Variants in TRDN observed in about 807,000 individuals in gnomAD.
TRDN encodes the protein triadin in skeletal muscle.
A neutral mutation model predicts 149.7 loss-of-function variants in TRDN; 161 were observed. That is an observed-to-expected ratio of 1.08 (90% CI 0.95 to 1.23). TRDN has a LOEUF of 1.23. Among genes scored for constraint, TRDN ranks in the 50% most tolerant of loss-of-function variants. The pLI is 0.00. For missense variants in TRDN, 896 were observed against 823.5 expected, an observed-to-expected ratio of 1.09 and a Z score of -1.08; for synonymous variants, 294 against 250.5, an observed-to-expected ratio of 1.17 and a Z score of -1.64.
At chr6:123,593,820 A>G (rs1341239231) in intron 1 of TRDN, among the ~76,000 whole-genome samples, 1 of 152,218 alleles carries the variant, frequency 6.6e-6, no homozygotes, top group African/African-American at 2.4e-5. Context: ...AATTCAACCT[A>G]TGACAAATGT....
chr6:123,390,572 A>G (rs1782068822), intron 13 of TRDN, among the ~76,000 whole-genome samples: 1 of 152,050 alleles, frequency 6.6e-6, no homozygotes, highest in Non-Finnish European at 1.5e-5. Flanking sequence ...GCTTTTATTT[A>G]TTGCCAACTG....
At chr6:123,557,598 C>CG in intron 2 of TRDN, among the ~76,000 whole-genome samples, 1 of 152,220 alleles carries the variant, frequency 6.6e-6, no homozygotes, top group Admixed American at 6.5e-5. Flanking sequence ...GTCACGGACT[C>CG]GGGAAAACAG....
At chr6:123,455,736 T>A (rs1776080865) in intron 10 of TRDN, among the ~76,000 whole-genome samples, 1 of 152,200 alleles carries the variant, frequency 6.6e-6, no homozygotes, top group Admixed American at 6.5e-5. Context: ...GATGTTTTAT[T>A]GTAAGCTTTC....
At chr6:123,308,588 A>G (rs1484366337) in intron 24 of TRDN, among the ~76,000 whole-genome samples, 1 of 152,048 alleles carries the variant, frequency 6.6e-6, no homozygotes, top group Non-Finnish European at 1.5e-5. Context: ...GAGGATTCAA[A>G]GTGAATGTTC....
intron 8 of TRDN, 159 bp downstream of exon 8, chr6:123,503,560 C>T (rs746076433): frequency 7.0e-6 from 10 of 1,432,366 alleles, no homozygotes; most frequent in Non-Finnish European, 8.2e-6. Flanking sequence ...ATATTAATTC[C>T]CAATTTACTG....
chr6:123,547,491 C>G, intron 3 of TRDN, 119 bp from the exon 4 acceptor site: 1 of 528,196 alleles, frequency 1.9e-6, no homozygotes, highest in Non-Finnish European at 3.1e-6. Context: ...CAATCATAGT[C>G]TTTACATTAC....
chr6:123,583,550 G>T lies in TRDN; in HGVS notation c.23-12418C>A, dbSNP rs573231228. ...TTTCCTGAAGATGGAGGACCGTAAGGGATATAAAGGTTTCACTGAATACTA... is the reference window on the plus strand; with the variant it reads ...TTTCCTGAAGATGGAGGACCGTAAGTGATATAAAGGTTTCACTGAATACTA... On this transcript the variant is annotated intron_variant, in intron 1 of 40. Coordinates refer to ENST00000334268, the MANE Select transcript of TRDN (RefSeq NM_006073.4). Among the ~76,000 whole-genome samples the T allele has an allele frequency of 2.0e-5, 3 of 149,220 alleles. No homozygotes were observed. The East Asian group carries it at 5.8e-4, about 29-fold the overall frequency.
intron 23 of TRDN, among the ~76,000 whole-genome samples, chr6:123,320,046 T>C (rs1779184744): frequency 6.6e-6 from 1 of 152,114 alleles, no homozygotes; most frequent in Admixed American, 6.6e-5. Context: ...ATTTATTCAA[T>C]ATATAAATCC....
At chr6:123,269,741 A>T in intron 31 of TRDN, 108 bp downstream of exon 31, 1 of 1,058,358 alleles carries the variant, frequency 9.4e-7, no homozygotes, top group Non-Finnish European at 1.4e-6. Flanking sequence ...AGTTATTTAG[A>T]CACAGACAAC....
At chr6:123,220,342 T>A (rs917472565) in intron 40 of TRDN, among the ~76,000 whole-genome samples, 2 of 151,902 alleles carry the variant, frequency 1.3e-5, no homozygotes, top group Admixed American at 6.6e-5. Context: ...TCTCATTGAA[T>A]TATATTTTAA....
chr6:123,316,403 C>T (rs1779022138), intron 24 of TRDN, 54 bp downstream of exon 24: 2 of 1,548,676 alleles, frequency 1.3e-6, no homozygotes, highest in Non-Finnish European at 1.8e-6. Context: ...AACTAGCTTT[C>T]TTCCAACCAA....
chr6:123,334,446 G>A (rs566683024), intron 22 of TRDN, among the ~76,000 whole-genome samples: 15 of 152,148 alleles, frequency 9.9e-5, no homozygotes, highest in East Asian at 1.9e-4. Context: ...TTCTCAGTCC[G>A]TAGGTGAATC....
At chr6:123,444,528 A>C (rs1314468441) in intron 10 of TRDN, among the ~76,000 whole-genome samples, 1 of 150,512 alleles carries the variant, frequency 6.6e-6, no homozygotes, top group East Asian at 2.0e-4. Flanking sequence ...CTCCTGCCTA[A>C]TTGCCCTGGC....
chr6:123,598,311 C>T (rs1367147296), intron 1 of TRDN, among the ~76,000 whole-genome samples: 2 of 152,060 alleles, frequency 1.3e-5, no homozygotes, highest in South Asian at 2.1e-4. Flanking sequence ...GCAATAGACA[C>T]GCTATCGTGA....
At chr6:123,451,342 A>G (rs1775756022) in intron 10 of TRDN, among the ~76,000 whole-genome samples, 1 of 152,116 alleles carries the variant, frequency 6.6e-6, no homozygotes, top group South Asian at 2.1e-4. Flanking sequence ...AATAAAATTG[A>G]TAGACCATTA....
chr6:123,419,419 T>C (rs1773801246), intron 12 of TRDN, among the ~76,000 whole-genome samples: 1 of 152,158 alleles, frequency 6.6e-6, no homozygotes, highest in Admixed American at 6.6e-5. Flanking sequence ...CTCTGGCACC[T>C]AGGCTGGAGT....
chr6:123,420,850 A>G (rs1773867358), intron 12 of TRDN, among the ~76,000 whole-genome samples: 3 of 152,224 alleles, frequency 2.0e-5, no homozygotes, highest in African/African-American at 7.2e-5. Flanking sequence ...AATGGAAAAA[A>G]TTTTTAATTG....
chr6:123,433,015 A>G (rs915425811), intron 12 of TRDN, among the ~76,000 whole-genome samples: 8 of 151,456 alleles, frequency 5.3e-5, no homozygotes, highest in African/African-American at 1.9e-4. Context: ...ATCTATAAAG[A>G]TTCCCATATT....
chr6:123,434,473 G>A (rs1312613515), intron 12 of TRDN, among the ~76,000 whole-genome samples: 1 of 152,106 alleles, frequency 6.6e-6, no homozygotes, highest in African/African-American at 2.4e-5. Context: ...AGACAGTGCT[G>A]GTGAACAAAG....
Sources: allele counts gnomAD v4.1 joint callset (sites outside exome capture counted in the v4.1 genomes callset), GRCh38; gene constraint gnomAD v4.1.1; transcripts MANE v1.5; gene names NCBI Gene and HGNC (gene_info 2026-07-23, HGNC 2026-07-21).